The following ZNF609 variants were observed in gnomAD, a reference collection of about 807,000 sequenced individuals.
The protein encoded by ZNF609 is zinc finger protein 609.
ZNF609 carries 11 observed loss-of-function variants against 109.5 expected under a neutral mutation model. That is an observed-to-expected ratio of 0.10 (90% CI 0.06 to 0.17). The LOEUF (loss-of-function observed/expected upper bound fraction) is 0.17. Ranked by LOEUF, ZNF609 falls within the 10% of genes least tolerant of loss-of-function variation. The probability of loss-of-function intolerance (pLI) is 1.00; values close to 1 mark genes in which losing one functional copy is unlikely to be tolerated. For synonymous variants in ZNF609, 646 were observed against 662.0 expected, an observed-to-expected ratio of 0.98 and a Z score of 0.37; for missense variants, 1,559 against 1,772.4, an observed-to-expected ratio of 0.88 and a Z score of 2.16.
Position 64,535,221 on chromosome 15 carries a change from A to T in ZNF609, c.747+35055A>T, listed in dbSNP as rs181278783. Among the ~76,000 whole-genome samples the T allele has an allele frequency of 1.9e-4, 29 of 152,142 alleles. 1 individual carries two copies. Among genetic ancestry groups the T allele is most frequent in the Middle Eastern group, 3.4e-3 (1 of 292 alleles). The stretch of plus-strand genomic sequence containing the variant: ...ATGCCACCACCCCTGATTAATTTTT[A>T]AAATTTTTTGTAGATATGAGGTCTT... On this transcript the variant is annotated intron_variant, in intron 2 of 9. Coordinates refer to ENST00000326648, the MANE Select transcript of ZNF609 (RefSeq NM_015042.2).
chr15:64,592,643 G>A (rs1432718395), intron 2 of ZNF609, among the ~76,000 whole-genome samples: 2 of 151,818 alleles, frequency 1.3e-5, no homozygotes, highest in Non-Finnish European at 2.9e-5. Flanking sequence ...GCCAGGCATG[G>A]TGGTTCACGA....
chr15:64,529,253 C>G, intron 2 of ZNF609: 3 of 715,990 alleles, frequency 4.2e-6, no homozygotes, highest in South Asian at 2.8e-5. Context: ...TGTTGTCATA[C>G]TTCTCATGGT....
chr15:64,563,450 C>CAA (rs573467381), intron 2 of ZNF609, among the ~76,000 whole-genome samples: 1 of 135,514 alleles, frequency 7.4e-6, no homozygotes, highest in Non-Finnish European at 1.6e-5. Flanking sequence ...AACCCTGCCT[C>CAA]AAAAAAAAAA....
chr15:64,534,871 A>G (rs1214593065), intron 2 of ZNF609, among the ~76,000 whole-genome samples: 1 of 151,992 alleles, frequency 6.6e-6, no homozygotes, highest in East Asian at 1.9e-4. Context: ...TATCTCCACT[A>G]AAAATACAAA....
Position 64,674,799 on chromosome 15 carries a change from C to G in ZNF609, c.1945C>G (p.Pro649Ala), listed in dbSNP as rs757415177. 24 of 1,613,966 alleles carry G rather than the reference C, an allele frequency of 1.5e-5. No individual in the cohort carries two copies. The highest frequency in any genetic ancestry group is 1.9e-5 in the Non-Finnish European group (23 of 1,180,010). Reference sequence around the variant, plus strand: ...CTCTAGTTTAAAACCTGAAAAGATTCCTTCCAAGAGCCTAAAGTCAGCCCG... The same window carrying G: ...CTCTAGTTTAAAACCTGAAAAGATTGCTTCCAAGAGCCTAAAGTCAGCCCG... ...KPSSLKPEKI[P>A]SKSLKSARPI... The change falls in exon 5 of 10, where the codon CCT becomes GCT. Residue 649 changes from proline to alanine, a missense_variant. Physicochemically the swap from Pro to Ala is conservative, Grantham distance 27. Transcript: ENST00000326648.
chr15:64,549,226 T>A (rs928856224), intron 2 of ZNF609, among the ~76,000 whole-genome samples: 2 of 152,194 alleles, frequency 1.3e-5, no homozygotes, highest in African/African-American at 4.8e-5. Context: ...GTTTAGCTCT[T>A]GTAGTCCAAG....
At chr15:64,652,395 T>TC (rs1295045648) in intron 3 of ZNF609, among the ~76,000 whole-genome samples, 3 of 150,280 alleles carry the variant, frequency 2.0e-5, no homozygotes, top group Non-Finnish European at 4.4e-5. Context: ...CTAATTTTTT[T>TC]TTTTTTTTTG....
At chr15:64,579,874 C>T (rs963478695) in intron 2 of ZNF609, among the ~76,000 whole-genome samples, 2 of 152,134 alleles carry the variant, frequency 1.3e-5, no homozygotes, top group African/African-American at 2.4e-5. Context: ...ATAAAAAATA[C>T]ATTTATACAG....
intron 3 of ZNF609, among the ~76,000 whole-genome samples, chr15:64,658,460 G>T (rs778497116): frequency 1.3e-5 from 2 of 152,074 alleles, no homozygotes; most frequent in Non-Finnish European, 1.5e-5. Flanking sequence ...GCCTCCCAAA[G>T]TGCTGGGATT....
intron 1 of ZNF609, among the ~76,000 whole-genome samples, chr15:64,492,841 A>G (rs1358171101): frequency 3.3e-5 from 5 of 152,194 alleles, no homozygotes; most frequent in Admixed American, 2.6e-4. Context: ...CTCAGAGTTC[A>G]TTGTTCTTTT....
chr15:64,574,050 A>G (rs1894906126), intron 2 of ZNF609, among the ~76,000 whole-genome samples: 1 of 152,078 alleles, frequency 6.6e-6, no homozygotes, highest in African/African-American at 2.4e-5. Context: ...TGCCCCTGCT[A>G]AAAAACTACC....
At chr15:64,480,969 C>T (rs1487768460) in intron 1 of ZNF609, among the ~76,000 whole-genome samples, 1 of 152,136 alleles carries the variant, frequency 6.6e-6, no homozygotes, top group Non-Finnish European at 1.5e-5. Flanking sequence ...AAATAAATAA[C>T]CTGAATTTTA....
chr15:64,517,593 G>A (rs1324201149), intron 2 of ZNF609, among the ~76,000 whole-genome samples: 1 of 151,952 alleles, frequency 6.6e-6, no homozygotes, highest in East Asian at 1.9e-4. Flanking sequence ...GTTGAAGCCA[G>A]GCATGGTGGC....
chr15:64,593,682 A>G (rs1182581209), intron 2 of ZNF609, among the ~76,000 whole-genome samples: 3 of 152,154 alleles, frequency 2.0e-5, no homozygotes, highest in Non-Finnish European at 4.4e-5. Context: ...GCGTGCCACC[A>G]TACCTGGCTA....
At chr15:64,634,182 A>G (rs1049325924) in intron 3 of ZNF609, among the ~76,000 whole-genome samples, 18 of 152,120 alleles carry the variant, frequency 1.2e-4, no homozygotes, top group African/African-American at 3.6e-4. Flanking sequence ...AAACAGACCC[A>G]TGGTGACTTC....
chr15:64,637,899 T>C (rs1896197821), intron 3 of ZNF609, among the ~76,000 whole-genome samples: 1 of 150,174 alleles, frequency 6.7e-6, no homozygotes, highest in Non-Finnish European at 1.5e-5. Flanking sequence ...TTTTTTGTTT[T>C]TCTTTTATTG....
At chr15:64,605,735 CT>C (rs750562675) in intron 2 of ZNF609, among the ~76,000 whole-genome samples, 6,802 of 134,146 alleles carry the variant, frequency 0.051, 117 homozygotes, top group South Asian at 0.08. Flanking sequence ...CTTTTTCTTT[CT>C]TTTTTTTTTT....
rs559650461 is a variant in ZNF609 at position 64,551,431 on chromosome 15, G to A, written c.747+51265G>A. ...AGCACTTTGGGAGGCCGAGGCAGGC[G>A]GATAACCTGAGGTCAGGAGTTCGAG... On this transcript the variant is annotated intron_variant, in intron 2 of 9. Coordinates refer to ENST00000326648, the MANE Select transcript of ZNF609 (RefSeq NM_015042.2). 8.5e-5 allele frequency among the ~76,000 whole-genome samples: 13 copies of A among 152,186 alleles called. No individual in the cohort carries two copies. In the South Asian group the frequency reaches 1.7e-3, roughly 19 times the overall value.
chr15:64,482,631 T>C (rs533773239), intron 1 of ZNF609, among the ~76,000 whole-genome samples: 1 of 152,218 alleles, frequency 6.6e-6, no homozygotes, highest in African/African-American at 2.4e-5. Flanking sequence ...AGCTGGAAAA[T>C]GTAGATTAAA....
Sources: gnomAD v4.1 joint callset for allele counts (sites outside exome capture counted in the v4.1 genomes callset) on GRCh38, gnomAD v4.1.1 for gene constraint, MANE v1.5 for transcripts, NCBI Gene and HGNC (gene_info 2026-07-23, HGNC 2026-07-21) for gene names.